The following RBFOX1 variants were observed in gnomAD, a reference collection of about 807,000 sequenced individuals.
RBFOX1 encodes RNA binding protein fox-1 homolog 1.
Under a neutral mutation model 57.7 loss-of-function variants are expected in RBFOX1, and 8 were observed. The ratio of observed to expected loss-of-function variants is 0.14; its 90% CI spans 0.08 to 0.25. The LOEUF is 0.25. Among genes scored for constraint, RBFOX1 ranks in the 10% least tolerant of loss-of-function variants. RBFOX1 has a pLI of 1.00. For missense variants in RBFOX1, 611 were observed against 548.5 expected (o/e 1.11, Z -1.14); for synonymous variants, 326 against 222.4 (o/e 1.47, Z -4.15).
intron 3 of RBFOX1, among the ~76,000 whole-genome samples, chr16:5,732,345 C>T (rs927600369): frequency 1.3e-5 from 2 of 152,230 alleles, no homozygotes; most frequent in South Asian, 2.1e-4. Context: ...TTACAGTAAC[C>T]AACAATGACT....
At chr16:6,025,319 G>A (rs562857280) in intron 1 of RBFOX1, among the ~76,000 whole-genome samples, 10 of 152,120 alleles carry the variant, frequency 6.6e-5, no homozygotes, top group Non-Finnish European at 1.2e-4. Context: ...CACCTACTTC[G>A]TAGGGCTTAC....
intron 3 of RBFOX1, among the ~76,000 whole-genome samples, chr16:6,894,702 C>G (rs1465827519): frequency 6.6e-6 from 1 of 152,146 alleles, no homozygotes; most frequent in Non-Finnish European, 1.5e-5. Flanking sequence ...CTAAAACATT[C>G]ATGAATTAAA....
chr16:7,045,133 A>G (rs991970993), intron 3 of RBFOX1, among the ~76,000 whole-genome samples: 1 of 152,078 alleles, frequency 6.6e-6, no homozygotes, highest in African/African-American at 2.4e-5. Context: ...TGGCCACCTA[A>G]CTCATGAGAT....
intron 4 of RBFOX1, among the ~76,000 whole-genome samples, chr16:7,363,451 C>G (rs964543719): frequency 3.3e-5 from 5 of 151,870 alleles, no homozygotes; most frequent in African/African-American, 9.7e-5. Context: ...GTGTCTGAGC[C>G]AGATTCAATC....
At chr16:7,355,650 T>C (rs925818941) in intron 4 of RBFOX1, among the ~76,000 whole-genome samples, 7 of 152,218 alleles carry the variant, frequency 4.6e-5, no homozygotes, top group Non-Finnish European at 8.8e-5. Flanking sequence ...TATCATTCTA[T>C]ATTGTGACGG....
At chr16:7,379,290 G>T (rs990626822) in intron 4 of RBFOX1, among the ~76,000 whole-genome samples, 5 of 152,104 alleles carry the variant, frequency 3.3e-5, no homozygotes, top group African/African-American at 9.7e-5. Context: ...GCCTCTTTCT[G>T]TCCAAAAGAG....
chr16:7,107,982 C>T (rs2063913912), intron 4 of RBFOX1, among the ~76,000 whole-genome samples: 1 of 146,362 alleles, frequency 6.8e-6, no homozygotes, highest in Admixed American at 7.0e-5. Flanking sequence ...ATGCAATTGA[C>T]CTAGGAAAGA....
chr16:5,321,025 G>A (rs2064388209), intron 1 of RBFOX1, among the ~76,000 whole-genome samples: 1 of 152,146 alleles, frequency 6.6e-6, no homozygotes, highest in African/African-American at 2.4e-5. Flanking sequence ...GCTGCTGCTG[G>A]TCCTGAGTTT....
At chr16:7,086,117 G>T (rs540482284) in intron 4 of RBFOX1, among the ~76,000 whole-genome samples, 6 of 152,302 alleles carry the variant, frequency 3.9e-5, no homozygotes, top group Non-Finnish European at 8.8e-5. Context: ...TAGCCAGTAT[G>T]CATCTTGATG....
chr16:5,493,482 G>A (rs531395335), intron 2 of RBFOX1, among the ~76,000 whole-genome samples: 2 of 152,316 alleles, frequency 1.3e-5, no homozygotes, highest in South Asian at 2.1e-4. Context: ...TGACTTCCAC[G>A]TTGAAGCAAA....
At chr16:6,088,897 C>T (rs920839303) in intron 1 of RBFOX1, among the ~76,000 whole-genome samples, 9 of 151,874 alleles carry the variant, frequency 5.9e-5, no homozygotes, top group African/African-American at 2.2e-4. Context: ...GAGATCAATA[C>T]CATCCTCGCT....
In RBFOX1 at chr16:6,253,675, A is replaced by ATG. The variant is rs377653141; in HGVS notation, c.-126-63296_-126-63295dup. 2.8e-3 allele frequency among the ~76,000 whole-genome samples: 403 copies of ATG among 144,996 alleles called. 3 individuals carry two copies. Among genetic ancestry groups the ATG allele is most frequent in the African/African-American group, 6.8e-3 (270 of 39,932 alleles). On this transcript the variant is annotated intron_variant, in intron 1 of 15. Transcript: ENST00000550418. ...AAGAAATAGATGTGTGTGTGTGTGC[A>ATG]TGTGTGTGTGTGTGTGTGTGTGTGT...
intron 14 of RBFOX1, among the ~76,000 whole-genome samples, chr16:7,691,385 G>C (rs986803322): frequency 4.0e-5 from 6 of 151,398 alleles, no homozygotes; most frequent in Non-Finnish European, 5.9e-5. Context: ...AAAAAAGTGG[G>C]GGAGAGAAAG....
At chr16:5,612,589 G>T (rs138238804) in intron 3 of RBFOX1, among the ~76,000 whole-genome samples, 1 of 152,254 alleles carries the variant, frequency 6.6e-6, no homozygotes, top group Admixed American at 6.5e-5. Context: ...TATGTCTGGG[G>T]TTTTCCCAGG....
At chr16:6,285,084 CT>C (rs899432299) in intron 1 of RBFOX1, among the ~76,000 whole-genome samples, 19 of 152,078 alleles carry the variant, frequency 1.2e-4, no homozygotes, top group African/African-American at 4.6e-4. Context: ...GTTGTTGTTT[CT>C]TTTCAGATAC....
At chr16:7,295,399 G>A (rs1456871291) in intron 4 of RBFOX1, among the ~76,000 whole-genome samples, 1 of 152,086 alleles carries the variant, frequency 6.6e-6, no homozygotes, top group African/African-American at 2.4e-5. Flanking sequence ...CTGGTCAGGG[G>A]CTGAAAATAG....
chr16:6,786,239 C>G (rs143338084), intron 3 of RBFOX1, among the ~76,000 whole-genome samples: 1 of 152,144 alleles, frequency 6.6e-6, no homozygotes, highest in East Asian at 1.9e-4. Flanking sequence ...GAACTGGACC[C>G]TCACAAGTAT....
chr16:5,565,443 T>C (rs928211916), intron 2 of RBFOX1, among the ~76,000 whole-genome samples: 2 of 151,840 alleles, frequency 1.3e-5, no homozygotes, highest in Non-Finnish European at 2.9e-5. Flanking sequence ...CTGACCAACA[T>C]AGAGAAAGCC....
At chr16:5,560,311 T>C (rs145699103) in intron 2 of RBFOX1, among the ~76,000 whole-genome samples, 6 of 149,490 alleles carry the variant, frequency 4.0e-5, no homozygotes, top group African/African-American at 1.5e-4. Flanking sequence ...ACTTAGTCAC[T>C]TCCTCCAGGA....
Sources: allele counts gnomAD v4.1 joint callset (sites outside exome capture counted in the v4.1 genomes callset), GRCh38; gene constraint gnomAD v4.1.1; transcripts MANE v1.5; gene names NCBI Gene and HGNC (gene_info 2026-07-23, HGNC 2026-07-21).